The following ANKHD1 variants were observed in gnomAD, a reference collection of about 807,000 sequenced individuals.
The protein encoded by ANKHD1 is ankyrin repeat and KH domain-containing protein 1.
In ANKHD1, 31 loss-of-function variants were observed where a neutral mutation model predicts 230.5. That is an observed-to-expected ratio of 0.13 (90% CI 0.10 to 0.18). The LOEUF is 0.18. Among genes scored for constraint, ANKHD1 ranks in the 10% least tolerant of loss-of-function variants. The probability of loss-of-function intolerance (pLI) is 1.00; values close to 1 mark genes in which losing one functional copy is unlikely to be tolerated. For missense variants in ANKHD1, 2,256 were observed against 3,071.3 expected (o/e 0.73, Z 6.27); for synonymous variants, 1,074 against 1,117.6 (o/e 0.96, Z 0.78).
intron 11 of ANKHD1, among the ~76,000 whole-genome samples, chr5:140,482,994 A>G (rs1751351391): frequency 6.6e-6 from 1 of 152,200 alleles, no homozygotes; most frequent in Non-Finnish European, 1.5e-5. Context: ...ATGTGGGTGG[A>G]GGACAGAGAG....
chr5:140,414,530 T>TA (rs1293818798), intron 1 of ANKHD1, among the ~76,000 whole-genome samples: 1 of 152,136 alleles, frequency 6.6e-6, no homozygotes, highest in Non-Finnish European at 1.5e-5. Flanking sequence ...ATTGTACATT[T>TA]AAAAAGAAAT....
chr5:140,411,429 T>C (rs1048613167), intron 1 of ANKHD1, among the ~76,000 whole-genome samples: 1 of 152,196 alleles, frequency 6.6e-6, no homozygotes, highest in African/African-American at 2.4e-5. Context: ...ATGAGTTTAA[T>C]TAGTTGCTTA....
Position 140,527,164 on chromosome 5 carries a change from A to T in ANKHD1, c.5087+90A>T. 7.0e-7 allele frequency: 1 copy of T among 1,435,504 alleles called. No homozygotes were observed. Among genetic ancestry groups the T allele is most frequent in the Non-Finnish European group, 9.2e-7 (1 of 1,089,126 alleles). The allele number at this position is 1,435,504 out of a possible 1,614,324, so 88.9% of individuals were successfully genotyped here. On this transcript the variant is annotated intron_variant, in intron 27 of 33. Transcript: ENST00000360839. This position sits in a 1 kb window ranked among gnomAD's most constrained non-coding sequence, Gnocchi z 4.5. ...ACCTAGTTAATTAATGAATAATTTGAATGTGGTTATTATTTTAAACTGCAT... is the reference window on the plus strand; with the variant it reads ...ACCTAGTTAATTAATGAATAATTTGTATGTGGTTATTATTTTAAACTGCAT...
chr5:140,497,533 C>T (rs1322635881), intron 15 of ANKHD1, among the ~76,000 whole-genome samples: 3 of 152,090 alleles, frequency 2.0e-5, no homozygotes, highest in African/African-American at 4.8e-5. Flanking sequence ...TGTTTTAAAC[C>T]GTTGGTATCA....
At position 140,539,373 on chromosome 5, in the gene ANKHD1, G is replaced by A. The variant is rs997300489; in HGVS notation, c.7584G>A (p.Thr2528=). Reference sequence around the variant, plus strand: ...CCCCTTTTCAGATTTGGCCTGGCACGTGGGCACCTCATATTGGAAACATGC... The same window carrying A: ...CCCCTTTTCAGATTTGGCCTGGCACATGGGCACCTCATATTGGAAACATGC... ...CTDAQQIWPG[T]WAPHIGNMHL... is the part of the protein sequence containing the mutation. The change falls in exon 34 of 34, where the codon ACG becomes ACA. Residue 2528 remains threonine, a synonymous_variant. Coordinates refer to ENST00000360839, the MANE Select transcript of ANKHD1 (RefSeq NM_017747.3). The A allele has an allele frequency of 3.1e-6, 5 of 1,613,702 alleles. No homozygotes were observed. Among genetic ancestry groups the A allele is most frequent in the African/African-American group, 1.3e-5 (1 of 74,858 alleles).
intron 1 of ANKHD1, among the ~76,000 whole-genome samples, chr5:140,434,551 C>T (rs1278329015): frequency 6.6e-6 from 1 of 151,222 alleles, no homozygotes; most frequent in Non-Finnish European, 1.5e-5. Flanking sequence ...CTCATGAGTA[C>T]TCATGTTCAT....
intron 11 of ANKHD1, 149 bp downstream of exon 11, chr5:140,482,816 A>G (rs1456489374): frequency 1.2e-6 from 1 of 824,238 alleles, no homozygotes; most frequent in Non-Finnish European, 1.8e-6. Context: ...TAGTAAGCAT[A>G]GAGTTTGTGA....
At chr5:140,442,030 A>ATTTTTTTT in intron 5 of ANKHD1, among the ~76,000 whole-genome samples, 1 of 134,528 alleles carries the variant, frequency 7.4e-6, no homozygotes, top group African/African-American at 2.8e-5. Context: ...CTAATAAGAT[A>ATTTTTTTT]TTCTTTTTTT....
intron 33 of ANKHD1, 80 bp downstream of exon 33, chr5:140,539,163 A>G: frequency 6.6e-7 from 1 of 1,526,556 alleles, no homozygotes; most frequent in Non-Finnish European, 8.8e-7. Flanking sequence ...TAAGTACTGA[A>G]TATCAAAAGT....
At chr5:140,437,408 A>ATG (rs1773529636) in intron 2 of ANKHD1, among the ~76,000 whole-genome samples, 1 of 152,238 alleles carries the variant, frequency 6.6e-6, no homozygotes, top group Non-Finnish European at 1.5e-5. Context: ...TTGCATTTAA[A>ATG]ATTTTAGCAA....
intron 10 of ANKHD1, among the ~76,000 whole-genome samples, chr5:140,473,724 T>C (rs1283301113): frequency 1.3e-5 from 2 of 152,244 alleles, no homozygotes; most frequent in East Asian, 3.8e-4. Context: ...TGTGAGCTTC[T>C]ACTCAGTTTG....
intron 10 of ANKHD1, among the ~76,000 whole-genome samples, chr5:140,480,022 A>T (rs1307195900): frequency 1.3e-5 from 2 of 151,848 alleles, no homozygotes; most frequent in Non-Finnish European, 2.9e-5. Flanking sequence ...GGGCTAACCC[A>T]TAGGGAGTGT....
intron 1 of ANKHD1, among the ~76,000 whole-genome samples, chr5:140,434,836 T>C (rs1241378254): frequency 6.6e-6 from 1 of 152,220 alleles, no homozygotes; most frequent in Non-Finnish European, 1.5e-5. Flanking sequence ...CAGTTAATGC[T>C]GCAGTGAACA....
chr5:140,512,822 T>C lies in ANKHD1; in HGVS notation c.4105-6T>C. ...ACCTTGTCTAAGATTGTTGTACTTCTTATAGGGTCATGTAAAAGTTGTTCA... is the reference window on the plus strand; with the variant it reads ...ACCTTGTCTAAGATTGTTGTACTTCCTATAGGGTCATGTAAAAGTTGTTCA... On this transcript the variant is annotated splice_region_variant and splice_polypyrimidine_tract_variant and intron_variant, in intron 22 of 33. Coordinates refer to ENST00000360839, the MANE Select transcript of ANKHD1 (RefSeq NM_017747.3). 1 of 1,592,742 alleles carries C rather than the reference T, an allele frequency of 6.3e-7. No homozygotes were observed. Among genetic ancestry groups the C allele is most frequent in the Non-Finnish European group, 8.5e-7 (1 of 1,172,936 alleles).
At chr5:140,473,173 C>T (rs1259746855) in intron 10 of ANKHD1, among the ~76,000 whole-genome samples, 4 of 151,742 alleles carry the variant, frequency 2.6e-5, no homozygotes, top group East Asian at 1.9e-4. Context: ...GGATTACAGG[C>T]GCGTGCCACC....
intron 5 of ANKHD1, 86 bp from the exon 6 acceptor site, chr5:140,445,656 T>C (rs1774224213): frequency 8.3e-7 from 1 of 1,207,696 alleles, no homozygotes; most frequent in African/African-American, 1.6e-5. Context: ...GTCATGATTG[T>C]ATATTTCTTT....
chr5:140,425,746 T>C (rs1772356979), intron 1 of ANKHD1, among the ~76,000 whole-genome samples: 1 of 152,252 alleles, frequency 6.6e-6, no homozygotes, highest in South Asian at 2.1e-4. Context: ...CCTAAGTTTG[T>C]CATTATTTGG....
intron 1 of ANKHD1, 130 bp from the exon 2 acceptor site, chr5:140,435,974 C>T: frequency 8.2e-7 from 1 of 1,223,560 alleles, no homozygotes; most frequent in Non-Finnish European, 1.1e-6. Flanking sequence ...TCCCATACTC[C>T]CTTGTTTCTA....
rs147714373 is a variant in ANKHD1 at position 140,539,100 on chromosome 5, G to A, written c.7569+17G>A. On this transcript the variant is annotated intron_variant, in intron 33 of 33. Transcript: ENST00000360839. ...GCCCAGCAGGTAAAATGGGCTTAAT[G>A]CTCTTTTGTTTTTTAGATTTGTCAC... 14 of 1,579,848 alleles carry A rather than the reference G, an allele frequency of 8.9e-6. No homozygotes were observed. In the East Asian group the frequency reaches 3.2e-4, roughly 36 times the overall value.
Sources: gnomAD v4.1 joint callset for allele counts (sites outside exome capture counted in the v4.1 genomes callset) on GRCh38, gnomAD v4.1.1 for gene constraint, Gnocchi (gnomAD v3.1) non-coding constraint, MANE v1.5 for transcripts, NCBI Gene and HGNC (gene_info 2026-07-23, HGNC 2026-07-21) for gene names.